The following GOLM2 variants were observed in gnomAD, a reference collection of about 807,000 sequenced individuals.
GOLM2 encodes the protein protein GOLM2.
Under a neutral mutation model 55.9 loss-of-function variants are expected in GOLM2, and 26 were observed. The observed-to-expected ratio is 0.47, with a 90% CI of 0.34 to 0.65. The LOEUF is 0.65. Among genes scored for constraint, GOLM2 ranks in the 30% least tolerant of loss-of-function variants. The pLI, the probability that GOLM2 is intolerant of heterozygous loss-of-function variation, is 0.01. For missense variants in GOLM2, 486 were observed against 531.8 expected (o/e 0.91, Z 0.85); for synonymous variants, 165 against 194.6 (o/e 0.85, Z 1.27).
At chr15:44,349,518 GATA>G (rs1353550155) in intron 6 of GOLM2, among the ~76,000 whole-genome samples, 1 of 152,100 alleles carries the variant, frequency 6.6e-6, no homozygotes, top group Non-Finnish European at 1.5e-5. Context: ...TAAAGAGAAA[GATA>G]AATTTCAATA....
intron 3 of GOLM2, among the ~76,000 whole-genome samples, chr15:44,329,655 T>C (rs2079008458): frequency 1.3e-5 from 2 of 152,112 alleles, no homozygotes; most frequent in African/African-American, 4.8e-5. Flanking sequence ...CCTAACACTT[T>C]GGGAGGCTGA....
intron 7 of GOLM2, among the ~76,000 whole-genome samples, chr15:44,380,497 A>AT: frequency 6.6e-6 from 1 of 152,286 alleles, no homozygotes; most frequent in Non-Finnish European, 1.5e-5. Flanking sequence ...GGAGGAAAAG[A>AT]TATGAGTATC....
At position 44,363,760 on chromosome 15, in the gene GOLM2, A is replaced by G. The variant is rs555000086; in HGVS notation, c.803-15930A>G. 2.4e-4 allele frequency among the ~76,000 whole-genome samples: 36 copies of G among 151,074 alleles called. 1 individual carries two copies. In the East Asian group the frequency reaches 7.1e-3, roughly 30 times the overall value. On this transcript the variant is annotated intron_variant, in intron 6 of 9. Coordinates refer to ENST00000299957, the MANE Select transcript of GOLM2 (RefSeq NM_138423.4). ...CATGCACACGTATGTTTATTGCAGC[A>G]CTATTCACAATAGCAAAGACTTGGA... is the stretch of plus-strand genomic sequence containing the variant.
At chr15:44,330,079 T>G (rs1301782208) in intron 3 of GOLM2, among the ~76,000 whole-genome samples, 1 of 150,554 alleles carries the variant, frequency 6.6e-6, no homozygotes. Context: ...CCCGGCTAAT[T>G]TTTTGTATTT....
At chr15:44,359,790 G>C (rs994929783) in intron 6 of GOLM2, among the ~76,000 whole-genome samples, 3 of 152,100 alleles carry the variant, frequency 2.0e-5, no homozygotes, top group Non-Finnish European at 2.9e-5. Flanking sequence ...AAATATTAAG[G>C]GCAGCCAGAG....
intron 1 of GOLM2, among the ~76,000 whole-genome samples, chr15:44,310,459 T>TCTCC (rs2078866324): frequency 7.6e-6 from 1 of 131,666 alleles, no homozygotes; most frequent in South Asian, 2.3e-4. Flanking sequence ...TCTCTCTATA[T>TCTCC]ATATATATAT....
At chr15:44,330,391 G>A (rs1293515821) in intron 3 of GOLM2, among the ~76,000 whole-genome samples, 4 of 151,022 alleles carry the variant, frequency 2.6e-5, no homozygotes, top group Non-Finnish European at 4.4e-5. Context: ...GTGCATGCCT[G>A]TAATCCCAGC....
intron 9 of GOLM2, among the ~76,000 whole-genome samples, chr15:44,406,028 G>A (rs2079595206): frequency 2.0e-5 from 3 of 152,170 alleles, no homozygotes; most frequent in Admixed American, 1.3e-4. Flanking sequence ...GTTCATTACT[G>A]TGCCAATGTG....
chr15:44,370,791 C>G (rs2079324767), intron 6 of GOLM2, among the ~76,000 whole-genome samples: 2 of 152,104 alleles, frequency 1.3e-5, no homozygotes, highest in Admixed American at 1.3e-4. Flanking sequence ...CTCTGAGTAT[C>G]TGGGACTACA....
chr15:44,329,332 A>G (rs141297885), intron 3 of GOLM2, among the ~76,000 whole-genome samples: 75 of 152,328 alleles, frequency 4.9e-4, no homozygotes, highest in African/African-American at 1.8e-3. Context: ...GATATTTTTT[A>G]GATTTGTACA....
chr15:44,295,910 C>CCACACACACACACA (rs2078752898), intron 1 of GOLM2, among the ~76,000 whole-genome samples: 2 of 137,274 alleles, frequency 1.5e-5, no homozygotes, highest in African/African-American at 6.7e-5. Context: ...GGGAGATCCA[C>CCACACACACACACA]CACACATACA....
chr15:44,409,229 A>C (rs2141220012), intron 9 of GOLM2, among the ~76,000 whole-genome samples: 1 of 149,320 alleles, frequency 6.7e-6, no homozygotes, highest in African/African-American at 2.5e-5. Context: ...GCTTGCAGTG[A>C]GCCAAGATCG....
rs774323955 is a variant in GOLM2, at chr15:44,323,007, C to T, written c.370C>T (p.His124Tyr). The change falls in exon 2 of 10, where the codon CAT becomes TAT. Residue 124 changes from histidine (H) to tyrosine (Y), a missense_variant. His to Tyr is a moderately conservative substitution (Grantham distance 83, BLOSUM62 2). Coordinates refer to ENST00000299957, the MANE Select transcript of GOLM2 (RefSeq NM_138423.4). ...NNISYQMADIHHLKEQLAELR... is the reference protein window; with the variant it reads ...NNISYQMADIYHLKEQLAELR... ...CATATCGTATCAGATGGCAGACATA[C>T]ATCATTTAAAGGGTAAGAACCTTAA... 8.9e-6 allele frequency: 14 copies of T among 1,576,560 alleles called. No homozygotes were observed. The highest frequency in any genetic ancestry group is 2.7e-5 in the African/African-American group (2 of 72,910).
At position 44,293,553 on chromosome 15, in the gene GOLM2, A is replaced by AT. The variant is rs1292173629; in HGVS notation, c.327+4199dup. Among the ~76,000 whole-genome samples, 4 of 151,926 alleles carry AT rather than the reference A, an allele frequency of 2.6e-5. No individual in the cohort carries two copies. In the East Asian group the frequency reaches 7.7e-4, roughly 29 times the overall value. On this transcript the variant is annotated intron_variant, in intron 1 of 9. Transcript: ENST00000299957. ...ATCTTGACAATTTTAAGGATTACTG[A>AT]TTAGGTGTTTTATATAGAATGTCCC...
chr15:44,379,619 T>TGG, intron 6 of GOLM2, 71 bp from the exon 7 acceptor site: 3 of 229,318 alleles, frequency 1.3e-5, no homozygotes, highest in East Asian at 9.5e-5. Flanking sequence ...TTCACGGTGG[T>TGG]TTTTTTTTTT....
intron 6 of GOLM2, among the ~76,000 whole-genome samples, chr15:44,371,532 T>A (rs139813448): frequency 9.0e-4 from 137 of 152,364 alleles, no homozygotes; most frequent in African/African-American, 3.2e-3. Flanking sequence ...TAACCAGTAT[T>A]TGAGCAAATT....
chr15:44,365,466 G>A (rs539476513), intron 6 of GOLM2, among the ~76,000 whole-genome samples: 1 of 152,168 alleles, frequency 6.6e-6, no homozygotes, highest in South Asian at 2.1e-4. Context: ...AGTTGAGGCT[G>A]CAGTGAGCTG....
chr15:44,392,120 G>T (rs1471890471), intron 8 of GOLM2, among the ~76,000 whole-genome samples: 1 of 151,842 alleles, frequency 6.6e-6, no homozygotes, highest in Non-Finnish European at 1.5e-5. Context: ...AAAGTGCTGG[G>T]ATTACAGGTG....
intron 8 of GOLM2, among the ~76,000 whole-genome samples, chr15:44,397,448 C>CAGG (rs2079534084): frequency 7.6e-6 from 1 of 131,780 alleles, no homozygotes; most frequent in Admixed American, 9.1e-5. Context: ...CACTGCACTC[C>CAGG]AGCCTGGGTG....
Sources: allele counts gnomAD v4.1 joint callset (sites outside exome capture counted in the v4.1 genomes callset), GRCh38; gene constraint gnomAD v4.1.1; transcripts MANE v1.5; gene names NCBI Gene and HGNC (gene_info 2026-07-23, HGNC 2026-07-21).